The following NLGN3 variants were observed in gnomAD, a reference collection of about 807,000 sequenced individuals.
NLGN3 encodes neuroligin-3.
A neutral mutation model predicts 42.9 loss-of-function variants in NLGN3; 11 were observed. The ratio of observed to expected loss-of-function variants is 0.26; its 90% confidence interval spans 0.16 to 0.42. NLGN3 has a LOEUF of 0.42. Among genes scored for constraint, NLGN3 ranks in the 10% least tolerant of loss-of-function variants. The pLI, the probability that NLGN3 is intolerant of heterozygous loss-of-function variation, is 1.00. For missense variants in NLGN3, 374 were observed against 733.8 expected, an observed-to-expected ratio of 0.51 and a Z score of 5.67; for synonymous variants, 279 against 312.7, an observed-to-expected ratio of 0.89 and a Z score of 1.14.
At chrX:71,174,515 C>A (rs1428397900), downstream of NLGN3, among the ~76,000 whole-genome samples, 1 of 111,924 alleles carries the variant, frequency 8.9e-6, no homozygotes, top group Non-Finnish European at 1.9e-5. Context: ...TGAGCACTTA[C>A]AAAAGGAAGC....
At chrX:71,153,936 C>T (rs2092399464) in intron 4 of NLGN3, among the ~76,000 whole-genome samples, 1 of 111,883 alleles carries the variant, frequency 8.9e-6, no homozygotes, top group African/African-American at 3.3e-5. Context: ...GAAGAGACCC[C>T]TGTGTCTCAC....
intron 5 of NLGN3, among the ~76,000 whole-genome samples, chrX:71,162,509 A>G (rs371912156): frequency 1.5e-3 from 170 of 112,056 alleles, no homozygotes; most frequent in African/African-American, 5.3e-3. Context: ...TGTCTGGAAG[A>G]GCAAGGGTTC....
At position 71,166,470 on chromosome X, in the gene NLGN3, A is replaced by C. The variant is rs990582323; in HGVS notation, c.914-541A>C. Among the ~76,000 whole-genome samples the C allele has an allele frequency of 3.6e-5, 4 of 110,988 alleles. No individual in the cohort carries two copies. In the Admixed American group the frequency reaches 3.8e-4, roughly 11 times the overall value. On this transcript the variant is annotated intron_variant, in intron 6 of 7. Transcript: ENST00000358741. The stretch of plus-strand genomic sequence containing the variant: ...AAACTCCATCTCCAAAAAAAAAAAA[A>C]AACAAAGTATCAGTGGAGACCACAG...
chrX:71,170,354 C>T lies in NLGN3; in HGVS notation c.*257C>T, dbSNP rs1208449266. On this transcript the variant is annotated 3_prime_UTR_variant, in exon 8 of 8. Coordinates refer to ENST00000358741, the MANE Select transcript of NLGN3 (RefSeq NM_181303.2). Reference sequence around the variant, plus strand: ...GGGACGCAGATGAGTCCTCGGTAAACCGAGGACCCATGAAACAGCAGCTGA... The same window carrying T: ...GGGACGCAGATGAGTCCTCGGTAAATCGAGGACCCATGAAACAGCAGCTGA... 5 of 1,021,939 alleles carry T rather than the reference C, an allele frequency of 4.9e-6. No individual in the cohort carries two copies. The highest frequency in any genetic ancestry group is 6.2e-6 in the Non-Finnish European group (5 of 800,058). 84.2% of individuals were successfully genotyped at this position (1,021,939 alleles called of 1,213,427 possible).
At chrX:71,160,291 A>C (rs1198093824) in intron 5 of NLGN3, among the ~76,000 whole-genome samples, 1 of 102,214 alleles carries the variant, frequency 9.8e-6, no homozygotes, top group Non-Finnish European at 2.0e-5. Context: ...ATCTCGGCTC[A>C]CTACAACCTC....
At position 71,170,276 on chromosome X, in the gene NLGN3, C is replaced by T. The variant is rs1602333262; in HGVS notation, c.*179C>T. 1.1e-5 allele frequency: 12 copies of T among 1,121,286 alleles called. No homozygotes were observed. In the East Asian group the frequency reaches 2.3e-4, roughly 22 times the overall value. 92.4% of individuals were successfully genotyped at this position (1,121,286 alleles called of 1,213,427 possible). A position where few individuals can be genotyped will look rare whatever the true frequency, so the allele number is the denominator to read the frequency against. ...ACATAGACAGATGTGGACATGCACC[C>T]GCATGTACAAAAACACAAATACGGA... On this transcript the variant is annotated 3_prime_UTR_variant, in exon 8 of 8. Coordinates refer to ENST00000358741, the MANE Select transcript of NLGN3 (RefSeq NM_181303.2).
intron 3 of NLGN3, 131 bp from the exon 4 acceptor site, chrX:71,153,346 C>T: frequency 1.6e-6 from 1 of 633,215 alleles, no homozygotes; most frequent in Non-Finnish European, 2.6e-6. Flanking sequence ...TCTTGCCATC[C>T]CTCCTGCCTG....
chrX:71,151,724 T>A (rs4844286), intron 3 of NLGN3, among the ~76,000 whole-genome samples: 2 of 111,060 alleles, frequency 1.8e-5, no homozygotes, highest in African/African-American at 6.6e-5. Flanking sequence ...CACAAGGGAC[T>A]TATCTTCTAA....
intron 6 of NLGN3, among the ~76,000 whole-genome samples, chrX:71,166,194 C>T (rs1023296961): frequency 3.6e-5 from 4 of 110,973 alleles, no homozygotes; most frequent in African/African-American, 1.3e-4. Context: ...CGGTGGCTCA[C>T]GCCTGTAACC....
intron 4 of NLGN3, among the ~76,000 whole-genome samples, chrX:71,153,836 C>G (rs1437433001): frequency 8.9e-6 from 1 of 112,161 alleles, no homozygotes; most frequent in Non-Finnish European, 1.9e-5. Context: ...CCCTACTGAG[C>G]AGCAGGGAGA....
rs1465473764 is a variant in NLGN3 at position 71,156,527 on chromosome X, C to T, written c.727+1164C>T. On this transcript the variant is annotated intron_variant, in intron 5 of 7. Transcript: ENST00000358741. ...ACATATGCATGCACGCGTATACATGCGCACACTCTTCCATATACAGCCTGT... is the reference window on the plus strand; with the variant it reads ...ACATATGCATGCACGCGTATACATGTGCACACTCTTCCATATACAGCCTGT... Among the ~76,000 whole-genome samples, 4 of 110,160 alleles carry T rather than the reference C, an allele frequency of 3.6e-5. 1 individual carries two copies. Among genetic ancestry groups the T allele is most frequent in the African/African-American group, 6.6e-5 (2 of 30,087 alleles).
rs1437227811 is a variant in NLGN3, at chrX:71,155,200, C to T, written c.578-14C>T. On this transcript the variant is annotated splice_polypyrimidine_tract_variant and intron_variant, in intron 4 of 7. Coordinates refer to ENST00000358741, the MANE Select transcript of NLGN3 (RefSeq NM_181303.2). Reference sequence around the variant, plus strand: ...CATCCCACCCAGCCTGTGTCTCACCCCTTCTCCTTGCAGACATCCGGGACA... The same window carrying T: ...CATCCCACCCAGCCTGTGTCTCACCTCTTCTCCTTGCAGACATCCGGGACA... 3 of 1,210,185 alleles carry T rather than the reference C, an allele frequency of 2.5e-6. No homozygotes were observed. Among genetic ancestry groups the T allele is most frequent in the Non-Finnish European group, 3.4e-6 (3 of 895,042 alleles).
chrX:71,151,046 G>A (rs1321803891), intron 3 of NLGN3, among the ~76,000 whole-genome samples: 4 of 112,086 alleles, frequency 3.6e-5, no homozygotes, highest in Non-Finnish European at 5.6e-5. Flanking sequence ...GGCCGGGCGC[G>A]GTGGCTTATG....
At chrX:71,145,159 C>G (rs890850575) in intron 1 of NLGN3, among the ~76,000 whole-genome samples, 195 bp downstream of exon 1, 3 of 106,604 alleles carry the variant, frequency 2.8e-5, no homozygotes, top group African/African-American at 1.0e-4. Context: ...CCCTAAATCC[C>G]GCATCCCTAA....
chrX:71,170,130 C>G lies in NLGN3; in HGVS notation c.*33C>G. ...TCAGAGCACAGCCAATCTCCAGGCTCCCTCCCTCCCAGATCCAGGAACACA... is the reference window on the plus strand; with the variant it reads ...TCAGAGCACAGCCAATCTCCAGGCTGCCTCCCTCCCAGATCCAGGAACACA... On this transcript the variant is annotated 3_prime_UTR_variant, in exon 8 of 8. Transcript: ENST00000358741. 1 of 1,205,092 alleles carries G rather than the reference C, an allele frequency of 8.3e-7. No homozygotes were observed. Among genetic ancestry groups the G allele is most frequent in the Non-Finnish European group, 1.1e-6 (1 of 894,556 alleles).
chrX:71,165,609 G>T (rs1450834861), intron 6 of NLGN3, among the ~76,000 whole-genome samples: 2 of 110,657 alleles, frequency 1.8e-5, no homozygotes, highest in African/African-American at 6.6e-5. Context: ...ACTGCAACCT[G>T]TTCCTCCCAG....
At chrX:71,159,002 G>C (rs946689099) in intron 5 of NLGN3, among the ~76,000 whole-genome samples, 13 of 110,853 alleles carry the variant, frequency 1.2e-4, no homozygotes, top group Admixed American at 2.8e-4. Context: ...ATGCGTGTGT[G>C]CACACACATG....
intron 3 of NLGN3, among the ~76,000 whole-genome samples, chrX:71,152,216 T>C (rs1483251955): frequency 9.0e-6 from 1 of 110,713 alleles, no homozygotes; most frequent in Admixed American, 9.6e-5. Context: ...CAGCCGGTCC[T>C]CTCCCTCCAC....
intron 1 of NLGN3, 31 bp downstream of exon 1, chrX:71,144,995 C>T (rs1397470982): frequency 9.1e-6 from 1 of 109,982 alleles, no homozygotes; most frequent in East Asian, 2.9e-4. Flanking sequence ...CTCTCATCCT[C>T]TAGCTGCCCA....
Sources: allele counts gnomAD v4.1 joint callset (sites outside exome capture counted in the v4.1 genomes callset), GRCh38; gene constraint gnomAD v4.1.1; transcripts MANE v1.5; gene names NCBI Gene and HGNC (gene_info 2026-07-23, HGNC 2026-07-21).